WWOX: variants seen among roughly 807,000 people sequenced by gnomAD.
The protein encoded by WWOX is WW domain containing oxidoreductase.
Under a neutral mutation model 46.2 loss-of-function variants are expected in WWOX, and 69 were observed. That is an observed-to-expected ratio of 1.49 (90% confidence interval 1.23 to 1.82). The LOEUF (loss-of-function observed/expected upper bound fraction) is 1.82, where lower values mean the gene tolerates loss of function less well. WWOX is among the 40% of genes most tolerant of loss of function. WWOX has a pLI of 0.00. For synonymous variants in WWOX, 359 were observed against 202.6 expected, an observed-to-expected ratio of 1.77 and a Z score of -6.56; for missense variants, 919 against 542.6, an observed-to-expected ratio of 1.69 and a Z score of -6.89.
chr16:78,579,112 G>C (rs973278565), intron 8 of WWOX, among the ~76,000 whole-genome samples: 1 of 151,986 alleles, frequency 6.6e-6, no homozygotes, highest in African/African-American at 2.4e-5. Context: ...CTTTGGCTGT[G>C]TTTTTCTGTT....
intron 5 of WWOX, among the ~76,000 whole-genome samples, chr16:78,382,250 C>T (rs1485806814): frequency 1.3e-5 from 2 of 152,160 alleles, no homozygotes; most frequent in African/African-American, 4.8e-5. Context: ...TAGGCACAGC[C>T]ACATGACTTT....
At chr16:79,192,331 T>C (rs1389822527) in intron 8 of WWOX, among the ~76,000 whole-genome samples, 1 of 149,902 alleles carries the variant, frequency 6.7e-6, no homozygotes, top group East Asian at 2.0e-4. Context: ...ATTCATTCAT[T>C]CATTCATCCA....
At chr16:78,902,354 T>C (rs2044851020) in intron 8 of WWOX, among the ~76,000 whole-genome samples, 1 of 152,226 alleles carries the variant, frequency 6.6e-6, no homozygotes, top group Admixed American at 6.5e-5. Flanking sequence ...ATTCCCAGGG[T>C]AAAGAGTCAC....
rs539926386 is a variant in WWOX at position 78,450,088 on chromosome 16, G to A, written c.1056+17336G>A. Among the ~76,000 whole-genome samples, 25 of 152,050 alleles carry A rather than the reference G, an allele frequency of 1.6e-4. 1 individual carries two copies. The highest frequency in any genetic ancestry group is 1.6e-3 in the Admixed American group (25 of 15,260). ...AGAAAATAGGTTTGAGATTGATTTT[G>A]AATACTAAAGTATAGTTTTCATGTT... On this transcript the variant is annotated intron_variant, in intron 8 of 8. Coordinates refer to ENST00000566780, the MANE Select transcript of WWOX (RefSeq NM_016373.4).
intron 8 of WWOX, among the ~76,000 whole-genome samples, chr16:78,732,698 C>T (rs533852200): frequency 1.2e-4 from 18 of 151,834 alleles, no homozygotes; most frequent in East Asian, 1.9e-4. Flanking sequence ...ATGAATTCAC[C>T]GAAATTTGAC....
At chr16:78,661,204 A>G (rs191780498) in intron 8 of WWOX, among the ~76,000 whole-genome samples, 70 of 152,292 alleles carry the variant, frequency 4.6e-4, no homozygotes, top group African/African-American at 1.6e-3. Context: ...CCTCTCTACC[A>G]TTCACACGTG....
intron 8 of WWOX, among the ~76,000 whole-genome samples, chr16:79,180,176 G>A (rs1348185036): frequency 6.6e-6 from 1 of 152,172 alleles, no homozygotes; most frequent in African/African-American, 2.4e-5. Flanking sequence ...CGACGCTGGT[G>A]CCTAACTTCT....
At chr16:78,448,976 A>C (rs749733626) in intron 8 of WWOX, among the ~76,000 whole-genome samples, 2 of 152,166 alleles carry the variant, frequency 1.3e-5, no homozygotes, top group African/African-American at 4.8e-5. Context: ...TTACAGAGGG[A>C]ACTTTTTATC....
At position 78,114,984 on chromosome 16, in the gene WWOX, A is replaced by G. The variant is rs758306601; in HGVS notation, c.239A>G (p.Asn80Ser). The G allele has an allele frequency of 1.9e-6, 3 of 1,614,216 alleles. No homozygotes were observed. Among genetic ancestry groups the G allele is most frequent in the Non-Finnish European group, 2.5e-6 (3 of 1,180,040 alleles). ...NGQVFFVDHI[N>S]KRTTYLDPRL... ...CTTTCTCTTTTGGGCAGCCATATAAATAAAAGAACCACCTACTTGGACCCA... is the reference window on the plus strand; with the variant it reads ...CTTTCTCTTTTGGGCAGCCATATAAGTAAAAGAACCACCTACTTGGACCCA... The change falls in exon 4 of 9, where the codon AAT (asparagine) becomes AGT (serine). Residue 80 changes from asparagine to serine, a missense_variant. Coordinates refer to ENST00000566780, the MANE Select transcript of WWOX (RefSeq NM_016373.4).
At chr16:78,622,245 A>G (rs188729126) in intron 8 of WWOX, among the ~76,000 whole-genome samples, 1 of 152,244 alleles carries the variant, frequency 6.6e-6, no homozygotes, top group East Asian at 1.9e-4. Flanking sequence ...CTACTCTGAT[A>G]AAAGTGAACC....
rs1193028523 is a variant in WWOX, at chr16:79,211,920, G to GCAGT, written c.*127_*130dup. ...ATCCGCAAGAGTAAAGGAAATAAGAGCAGTCACAACAGAGTGAAAAATCTT... is the reference window on the plus strand; with the variant it reads ...ATCCGCAAGAGTAAAGGAAATAAGAGCAGTCAGTCACAACAGAGTGAAAAATCTT... On this transcript the variant is annotated 3_prime_UTR_variant, in exon 9 of 9. Transcript: ENST00000566780. 3 of 1,543,480 alleles carry GCAGT rather than the reference G, an allele frequency of 1.9e-6. No individual in the cohort carries two copies. The highest frequency in any genetic ancestry group is 2.7e-5 in the African/African-American group (2 of 73,212).
At chr16:79,155,813 C>G (rs906835214) in intron 8 of WWOX, among the ~76,000 whole-genome samples, 1 of 151,804 alleles carries the variant, frequency 6.6e-6, no homozygotes, top group Non-Finnish European at 1.5e-5. Context: ...TGTCTTATAC[C>G]AGTGGTGCCT....
chr16:78,173,120 TTAAGG>T (rs2035217158), intron 5 of WWOX, among the ~76,000 whole-genome samples: 4 of 152,246 alleles, frequency 2.6e-5, no homozygotes, highest in Middle Eastern at 3.4e-3. Context: ...CTGCGATAGG[TTAAGG>T]TTTATTTTAG....
At chr16:78,496,165 T>A (rs1350202561) in intron 8 of WWOX, 1 of 152,186 alleles carries the variant, frequency 6.6e-6, no homozygotes, top group Non-Finnish European at 1.5e-5. Flanking sequence ...TTCCCCTAAA[T>A]CTTCATTCTC....
rs1468347567 is a variant in WWOX, at chr16:78,802,936, AAAAAAAC to A, written c.1056+370187_1056+370193del. 2.8e-3 allele frequency among the ~76,000 whole-genome samples: 285 copies of A among 100,184 alleles called. 30 individuals are homozygous for A. Among genetic ancestry groups the A allele is most frequent in the African/African-American group, 0.012 (273 of 22,526 alleles). 65.7% of individuals were successfully genotyped at this position (100,184 alleles called of 152,430 possible). On this transcript the variant is annotated intron_variant, in intron 8 of 8. Transcript: ENST00000566780. The stretch of plus-strand genomic sequence containing the variant: ...ATCTGAAAAAAAAAAAAAAAAAAAA[AAAAAAAC>A]AACAAACAGAAAAATGAACGAGTGA...
At chr16:78,816,988 A>T (rs1370308621) in intron 8 of WWOX, among the ~76,000 whole-genome samples, 1 of 152,086 alleles carries the variant, frequency 6.6e-6, no homozygotes, top group Admixed American at 6.6e-5. Flanking sequence ...GCTATTGCCC[A>T]AACCAGTCCT....
At chr16:79,185,991 A>G (rs903823361) in intron 8 of WWOX, among the ~76,000 whole-genome samples, 1 of 151,918 alleles carries the variant, frequency 6.6e-6, no homozygotes, top group African/African-American at 2.4e-5. Context: ...TGTATTATTA[A>G]TATGTCTGCT....
intron 8 of WWOX, among the ~76,000 whole-genome samples, chr16:79,208,437 A>C (rs2051595609): frequency 6.6e-6 from 1 of 152,134 alleles, no homozygotes; most frequent in African/African-American, 2.4e-5. Context: ...TTGTATGTCA[A>C]GGTATTATTA....
intron 8 of WWOX, among the ~76,000 whole-genome samples, chr16:78,670,955 G>A (rs953425638): frequency 2.0e-5 from 3 of 151,910 alleles, no homozygotes; most frequent in African/African-American, 4.8e-5. Flanking sequence ...GTGATGCCAA[G>A]ACAGAAGTAA....
Sources: gnomAD v4.1 joint callset for allele counts (sites outside exome capture counted in the v4.1 genomes callset) on GRCh38, gnomAD v4.1.1 for gene constraint, MANE v1.5 for transcripts, NCBI Gene and HGNC (gene_info 2026-07-23, HGNC 2026-07-21) for gene names.